Variants in LRIF1 observed in about 807,000 individuals in gnomAD.
LRIF1 encodes ligand dependent nuclear receptor interacting factor 1.
Under a neutral mutation model 52.7 loss-of-function variants are expected in LRIF1, and 32 were observed. The observed-to-expected ratio is 0.61, with a 90% CI of 0.46 to 0.82. LRIF1 has a LOEUF of 0.82. LRIF1 is among the 40% of genes least tolerant of loss of function. LRIF1 has a pLI of 0.00. For missense variants in LRIF1, 887 were observed against 892.0 expected, an observed-to-expected ratio of 0.99 and a Z score of 0.07; for synonymous variants, 323 against 317.4, an observed-to-expected ratio of 1.02 and a Z score of -0.19.
At chr1:110,886,869 A>ATAT in the LRIF1 span, among the ~76,000 whole-genome samples, 1,062 of 82,740 alleles carry the variant, frequency 0.013, 9 homozygotes, top group Non-Finnish European at 0.017. Context: ...ATATATATAT[A>ATAT]TTTTTTTTTT....
the LRIF1 span, among the ~76,000 whole-genome samples, chr1:110,891,036 AG>A: frequency 6.6e-6 from 1 of 152,266 alleles, no homozygotes; most frequent in African/African-American, 2.4e-5. Flanking sequence ...CCTGACTTCA[AG>A]GGCTTAAGTG....
At chr1:110,946,586 C>G (rs1020491323), downstream of LRIF1, among the ~76,000 whole-genome samples, 2 of 148,532 alleles carry the variant, frequency 1.3e-5, no homozygotes, top group Admixed American at 6.8e-5. Flanking sequence ...TTCTGATTTA[C>G]TCTTTTGTTG....
chr1:110,952,600 A>C lies in LRIF1; in HGVS notation c.284T>G (p.Leu95Trp), dbSNP rs377700320. 5 of 1,613,952 alleles carry C rather than the reference A, an allele frequency of 3.1e-6. No individual in the cohort carries two copies. The African/African-American group carries it at 5.3e-5, about 17-fold the overall frequency. ...SSSSTSASVQ[L>W]PIFQPASSSN... The stretch of plus-strand genomic sequence containing the variant: ...AGAACTGGCTGGCTGAAAAATGGGC[A>C]ATTGAACTGATGCACTTGTGGAAGA... Residue 95 changes from leucine to tryptophan, a missense_variant, in exon 2 of 4, where the codon TTG becomes TGG. By Grantham distance (61) the Leu-to-Trp change is moderately conservative (BLOSUM62 -2). Coordinates refer to ENST00000369763, the MANE Select transcript of LRIF1 (RefSeq NM_018372.4).
chr1:110,894,925 T>C, the LRIF1 span: 1 of 1,534,796 alleles, frequency 6.5e-7, no homozygotes, highest in Non-Finnish European at 9.0e-7. Context: ...ACCTGCTTTT[T>C]ACCATGTCTC....
chr1:110,948,297 C>T lies in LRIF1; in HGVS notation c.1972G>A (p.Ala658Thr), dbSNP rs78742177. Reference protein sequence around the residue: ...NAYNAIINGEANVTGSQLLSS... With the variant: ...NAYNAIINGETNVTGSQLLSS... Reference sequence around the variant, plus strand: ...AGGAGTTGGGAACCGGTGACATTAGCTTCCCCATTTATGATTGCGTTATAA... The same window carrying T: ...AGGAGTTGGGAACCGGTGACATTAGTTTCCCCATTTATGATTGCGTTATAA... Residue 658 changes from alanine to threonine, a missense_variant, in exon 4 of 4, where the codon GCT (alanine) becomes ACT (threonine). By Grantham distance (58) the Ala-to-Thr change is moderately conservative. Transcript: ENST00000369763. 1 of 1,614,066 alleles carries T rather than the reference C, an allele frequency of 6.2e-7. No homozygotes were observed. The highest frequency in any genetic ancestry group is 8.5e-7 in the Non-Finnish European group (1 of 1,180,006).
the LRIF1 span, among the ~76,000 whole-genome samples, chr1:110,902,216 G>A: frequency 1.3e-5 from 2 of 152,134 alleles, no homozygotes; most frequent in African/African-American, 4.8e-5. Flanking sequence ...TCTGTTCTTA[G>A]GATAAAGTCT....
At chr1:110,952,853 C>G (rs1658542948) in intron 1 of LRIF1, 38 bp from the exon 2 acceptor site, 1 of 1,157,214 alleles carries the variant, frequency 8.6e-7, no homozygotes, top group Non-Finnish European at 1.2e-6. Flanking sequence ...CAACATACTA[C>G]ATGGTATATA....
At chr1:110,887,840 G>A in the LRIF1 span, among the ~76,000 whole-genome samples, 1 of 152,234 alleles carries the variant, frequency 6.6e-6, no homozygotes, top group South Asian at 2.1e-4. Context: ...AATTCTTAAT[G>A]GACACTTTGG....
the LRIF1 span, among the ~76,000 whole-genome samples, chr1:110,935,484 A>G: frequency 6.6e-6 from 1 of 152,260 alleles, no homozygotes; most frequent in Admixed American, 6.5e-5. Flanking sequence ...TGTTTAACAA[A>G]GAGATTGAAA....
the LRIF1 span, among the ~76,000 whole-genome samples, chr1:110,904,968 A>G: frequency 3.9e-5 from 6 of 152,360 alleles, no homozygotes; most frequent in African/African-American, 1.4e-4. Flanking sequence ...CAAATTCTGG[A>G]GCTGAAAAAT....
At chr1:110,953,046 T>C (rs1364504580) in intron 1 of LRIF1, 1 of 195,020 alleles carries the variant, frequency 5.1e-6, no homozygotes, top group East Asian at 1.1e-4. Context: ...CATTTATTCC[T>C]AAGACTAAAA....
chr1:110,896,544 CT>C, the LRIF1 span: 1 of 976,396 alleles, frequency 1.0e-6, no homozygotes, highest in Non-Finnish European at 1.6e-6. Flanking sequence ...CAATTCTGGA[CT>C]TCTGCTATAG....
the LRIF1 span, among the ~76,000 whole-genome samples, chr1:110,913,962 TAAAA>T: frequency 6.6e-6 from 1 of 152,088 alleles, no homozygotes; most frequent in Non-Finnish European, 1.5e-5. Context: ...AACACAACCA[TAAAA>T]AAGAACAAAA....
At chr1:110,889,121 A>T in the LRIF1 span, among the ~76,000 whole-genome samples, 6 of 152,172 alleles carry the variant, frequency 3.9e-5, no homozygotes, top group South Asian at 6.2e-4. Flanking sequence ...TAATTTTTTT[A>T]AAATTCTAGA....
chr1:110,949,100 G>A (rs1340450135), intron 3 of LRIF1, among the ~76,000 whole-genome samples: 1 of 151,736 alleles, frequency 6.6e-6, no homozygotes, highest in African/African-American at 2.4e-5. Flanking sequence ...TGTGTGTGTG[G>A]GGTGGGCGGT....
chr1:110,950,639 C>T (rs1373891864), intron 2 of LRIF1, among the ~76,000 whole-genome samples: 2 of 151,218 alleles, frequency 1.3e-5, no homozygotes, highest in African/African-American at 4.9e-5. Context: ...AACCTTAAGT[C>T]GAACATAAAG....
chr1:110,920,777 G>A, the LRIF1 span, among the ~76,000 whole-genome samples: 2 of 152,122 alleles, frequency 1.3e-5, no homozygotes, highest in Non-Finnish European at 1.5e-5. Flanking sequence ...CGGTACATGC[G>A]GTGGGGAAAA....
At chr1:110,897,885 T>C in the LRIF1 span, 3 of 1,596,354 alleles carry the variant, frequency 1.9e-6, no homozygotes, top group East Asian at 2.2e-5. Flanking sequence ...TGTGTATGTG[T>C]GATTGAGGTA....
chr1:110,899,313 T>C, the LRIF1 span: 5 of 698,568 alleles, frequency 7.2e-6, no homozygotes, highest in Non-Finnish European at 1.2e-5. Context: ...TTTCCCTTTT[T>C]AGGTCCCTGT....
Sources: allele counts gnomAD v4.1 joint callset (sites outside exome capture counted in the v4.1 genomes callset), GRCh38; gene constraint gnomAD v4.1.1; transcripts MANE v1.5; gene names NCBI Gene and HGNC (gene_info 2026-07-23, HGNC 2026-07-21).